Variants in TSPAN5 observed in about 807,000 individuals in gnomAD.
TSPAN5 encodes the protein tetraspanin-5.
Under a neutral mutation model 37.1 loss-of-function variants are expected in TSPAN5, and 10 were observed. The ratio of observed to expected loss-of-function variants is 0.27; its 90% CI spans 0.17 to 0.46. The LOEUF is 0.46. TSPAN5 is among the 20% of genes least tolerant of loss of function. The pLI is 1.00. For synonymous variants in TSPAN5, 110 were observed against 118.9 expected, an observed-to-expected ratio of 0.93 and a Z score of 0.48; for missense variants, 195 against 326.6, an observed-to-expected ratio of 0.60 and a Z score of 3.11.
intron 1 of TSPAN5, among the ~76,000 whole-genome samples, chr4:98,646,371 AC>A (rs2110284768): frequency 6.6e-6 from 1 of 152,304 alleles, no homozygotes; most frequent in South Asian, 2.1e-4. Flanking sequence ...ACCATAAAGA[AC>A]TAAAGACACT....
At chr4:98,479,285 T>G (rs1752782813) in intron 4 of TSPAN5, among the ~76,000 whole-genome samples, 1 of 152,364 alleles carries the variant, frequency 6.6e-6, no homozygotes, top group South Asian at 2.1e-4. Flanking sequence ...AGATCTGTTT[T>G]GTTTTATGGA....
intron 1 of TSPAN5, among the ~76,000 whole-genome samples, chr4:98,618,256 CT>C (rs2110244001): frequency 9.5e-6 from 1 of 105,104 alleles, no homozygotes; most frequent in South Asian, 3.1e-4. Context: ...TTAATAAATG[CT>C]TTTCAAAAAA....
At chr4:98,518,492 A>T (rs564939231) in intron 1 of TSPAN5, among the ~76,000 whole-genome samples, 1 of 152,318 alleles carries the variant, frequency 6.6e-6, no homozygotes, top group African/African-American at 2.4e-5. Context: ...GTTGCCACAG[A>T]AACTATGAGA....
chr4:98,570,754 T>C (rs2110181421), intron 1 of TSPAN5, among the ~76,000 whole-genome samples: 1 of 152,258 alleles, frequency 6.6e-6, no homozygotes, highest in South Asian at 2.1e-4. Context: ...TAATGTGACC[T>C]AAGCCCTTGA....
intron 1 of TSPAN5, among the ~76,000 whole-genome samples, chr4:98,557,868 C>T (rs1473694510): frequency 2.0e-5 from 3 of 152,204 alleles, no homozygotes; most frequent in Non-Finnish European, 4.4e-5. Flanking sequence ...ATCTGAGGAA[C>T]ATTCCACAAA....
At position 98,571,757 on chromosome 4, in the gene TSPAN5, G is replaced by A. The variant is rs141004286; in HGVS notation, c.82-64029C>T. On this transcript the variant is annotated intron_variant, in intron 1 of 7. Coordinates refer to ENST00000305798, the MANE Select transcript of TSPAN5 (RefSeq NM_005723.4). ...GGGCATCAAACTATCTACATCATAC[G>A]ATTTTGTAAAGGAAAGGACCCAGGG... Among the ~76,000 whole-genome samples the A allele has an allele frequency of 1.9e-3, 289 of 152,182 alleles. 2 individuals are homozygous for A. Among genetic ancestry groups the A allele is most frequent in the African/African-American group, 6.7e-3 (277 of 41,504 alleles).
chr4:98,517,393 T>A (rs1012398503), intron 1 of TSPAN5, among the ~76,000 whole-genome samples: 1 of 152,024 alleles, frequency 6.6e-6, no homozygotes, highest in South Asian at 2.1e-4. Flanking sequence ...AAACACCACA[T>A]AGCAGAGCCT....
intron 1 of TSPAN5, among the ~76,000 whole-genome samples, chr4:98,582,444 T>C (rs1356562035): frequency 1.3e-5 from 2 of 152,176 alleles, no homozygotes; most frequent in African/African-American, 4.8e-5. Context: ...GCCCATGACA[T>C]GTGCACTAAT....
At chr4:98,604,322 T>C (rs1755953993) in intron 1 of TSPAN5, among the ~76,000 whole-genome samples, 1 of 152,210 alleles carries the variant, frequency 6.6e-6, no homozygotes, top group African/African-American at 2.4e-5. Flanking sequence ...TCCCGGGCTT[T>C]GTGAAGACTT....
intron 1 of TSPAN5, among the ~76,000 whole-genome samples, chr4:98,622,323 C>A (rs1002453436): frequency 6.6e-6 from 1 of 152,190 alleles, no homozygotes; most frequent in Non-Finnish European, 1.5e-5. Context: ...GTGATCCACC[C>A]GCCTCAGATC....
chr4:98,544,718 G>A (rs1019271132), intron 1 of TSPAN5, among the ~76,000 whole-genome samples: 3 of 152,196 alleles, frequency 2.0e-5, no homozygotes, highest in African/African-American at 7.2e-5. Flanking sequence ...TACAAAGACG[G>A]GGTGGCTAAA....
intron 1 of TSPAN5, among the ~76,000 whole-genome samples, chr4:98,515,017 G>A (rs1264586482): frequency 6.6e-6 from 1 of 152,148 alleles, no homozygotes; most frequent in Non-Finnish European, 1.5e-5. Flanking sequence ...AATAACAGAG[G>A]TCTTCACTAA....
In TSPAN5 at chr4:98,507,739, A is replaced by C. The variant is rs1378637752; in HGVS notation, c.82-11T>G. ...TGTTATTCCCAAAAACTGAAAAAGA[A>C]AGAAAGCAGTGTAAATATAAGGGAA... On this transcript the variant is annotated splice_polypyrimidine_tract_variant and intron_variant, in intron 1 of 7. Coordinates refer to ENST00000305798, the MANE Select transcript of TSPAN5 (RefSeq NM_005723.4). 1.9e-6 allele frequency: 3 copies of C among 1,605,062 alleles called. No homozygotes were observed. The highest frequency in any genetic ancestry group is 2.6e-6 in the Non-Finnish European group (3 of 1,175,922).
intron 1 of TSPAN5, among the ~76,000 whole-genome samples, chr4:98,591,085 T>G (rs1755623778): frequency 6.6e-6 from 1 of 151,816 alleles, no homozygotes. Context: ...TTGTTTTTTT[T>G]TTTTAATAAG....
intron 1 of TSPAN5, among the ~76,000 whole-genome samples, chr4:98,655,392 G>A (rs1197370406): frequency 6.6e-6 from 1 of 152,114 alleles, no homozygotes; most frequent in Non-Finnish European, 1.5e-5. Flanking sequence ...TAGAAAGAAC[G>A]TTATAACTCA....
intron 1 of TSPAN5, among the ~76,000 whole-genome samples, chr4:98,622,047 G>T (rs1756493541): frequency 6.6e-6 from 1 of 152,000 alleles, no homozygotes; most frequent in Non-Finnish European, 1.5e-5. Flanking sequence ...TCTACTTTGG[G>T]GCTATTATGA....
chr4:98,628,446 T>C (rs1343644243), intron 1 of TSPAN5, among the ~76,000 whole-genome samples: 3 of 152,176 alleles, frequency 2.0e-5, no homozygotes, highest in East Asian at 1.9e-4. Context: ...TAATGTGGGG[T>C]ACACCACACT....
At chr4:98,555,214 T>A (rs1279926870) in intron 1 of TSPAN5, among the ~76,000 whole-genome samples, 1 of 152,140 alleles carries the variant, frequency 6.6e-6, no homozygotes, top group Admixed American at 6.5e-5. Context: ...TACTTCATAA[T>A]CCCTAAGGAT....
At chr4:98,603,976 T>C (rs972263658) in intron 1 of TSPAN5, among the ~76,000 whole-genome samples, 18 of 152,204 alleles carry the variant, frequency 1.2e-4, no homozygotes, top group Admixed American at 3.3e-4. Context: ...ATTTCTGGAA[T>C]TACTTTGGTC....
Sources: allele counts gnomAD v4.1 joint callset (sites outside exome capture counted in the v4.1 genomes callset), GRCh38; gene constraint gnomAD v4.1.1; transcripts MANE v1.5; gene names NCBI Gene and HGNC (gene_info 2026-07-23, HGNC 2026-07-21).